OPHN1: variants seen among roughly 807,000 people sequenced by gnomAD.
The protein encoded by OPHN1 is oligophrenin 1, also known as oligophrenin-1.
A neutral mutation model predicts 60.7 loss-of-function variants in OPHN1; 11 were observed. That is an observed-to-expected ratio of 0.18 (90% CI 0.11 to 0.30). OPHN1 has a LOEUF of 0.30. Ranked by LOEUF, OPHN1 falls within the 10% of genes least tolerant of loss-of-function variation. OPHN1 has a pLI of 1.00. For synonymous variants in OPHN1, 226 were observed against 222.6 expected, an observed-to-expected ratio of 1.02 and a Z score of -0.14; for missense variants, 449 against 611.0, an observed-to-expected ratio of 0.73 and a Z score of 2.80.
Position 68,162,348 on chromosome X carries a change from T to C in OPHN1, c.1276+30571A>G, listed in dbSNP as rs190496930. ...TATTATTGATTATACCTTATATATGTTATTTAAGATCCTTCATATAAACCA... is the reference window on the plus strand; with the variant it reads ...TATTATTGATTATACCTTATATATGCTATTTAAGATCCTTCATATAAACCA... On this transcript the variant is annotated intron_variant, in intron 15 of 24. Transcript: ENST00000355520. 3.9e-4 allele frequency among the ~76,000 whole-genome samples: 43 copies of C among 110,017 alleles called. No homozygotes were observed. The East Asian group carries it at 0.01, about 27-fold the overall frequency.
In OPHN1 at chrX:68,152,528, G is replaced by A. The variant is rs945798329; in HGVS notation, c.1277-33196C>T. Among the ~76,000 whole-genome samples the A allele has an allele frequency of 5.6e-5, 6 of 106,598 alleles. No individual in the cohort carries two copies. The South Asian group carries it at 2.6e-3, about 47-fold the overall frequency. The allele number at this position is 106,598 out of a possible 115,157, so 92.6% of individuals were successfully genotyped here. Reference sequence around the variant, plus strand: ...CAAAATCACAGCCCACTGCAGCCTCGACCTCCCCAGGCTCAGGTGATCCTC... The same window carrying A: ...CAAAATCACAGCCCACTGCAGCCTCAACCTCCCCAGGCTCAGGTGATCCTC... On this transcript the variant is annotated intron_variant, in intron 15 of 24. Transcript: ENST00000355520.
chrX:68,255,979 G>A (rs1023445383), intron 5 of OPHN1, among the ~76,000 whole-genome samples: 16 of 110,664 alleles, frequency 1.4e-4, no homozygotes, highest in Admixed American at 1.4e-3. Context: ...GGACACATAC[G>A]AGGAGCTTAG....
chrX:68,341,780 T>C (rs1263239613), intron 2 of OPHN1, among the ~76,000 whole-genome samples: 3 of 109,838 alleles, frequency 2.7e-5, no homozygotes, highest in African/African-American at 9.9e-5. Flanking sequence ...ACTGCTGCAG[T>C]GAGTCATGAT....
At chrX:68,397,002 G>A (rs2078688204) in intron 2 of OPHN1, among the ~76,000 whole-genome samples, 1 of 110,335 alleles carries the variant, frequency 9.1e-6, no homozygotes, top group Non-Finnish European at 1.9e-5. Context: ...TGGGTCTTGA[G>A]GTTAATCTTC....
chrX:68,256,389 T>C (rs1422344785), intron 5 of OPHN1, among the ~76,000 whole-genome samples: 1 of 111,602 alleles, frequency 9.0e-6, no homozygotes, highest in Non-Finnish European at 1.9e-5. Context: ...CTGCGCATTG[T>C]TAGAAAATGA....
chrX:68,079,329 T>A (rs2076965919), intron 19 of OPHN1, among the ~76,000 whole-genome samples: 1 of 112,091 alleles, frequency 8.9e-6, no homozygotes, highest in Admixed American at 9.5e-5. Context: ...CATTTCTTCA[T>A]CCTCCAGTTG....
In OPHN1 at chrX:68,433,324, G is replaced by A; in HGVS notation, c.-161C>T. The A allele has an allele frequency of 3.2e-6, 1 of 315,678 alleles. No homozygotes were observed. Among genetic ancestry groups the A allele is most frequent in the African/African-American group, 2.6e-5 (1 of 38,430 alleles). 26.0% of individuals were successfully genotyped at this position (315,678 alleles called of 1,213,427 possible). On this transcript the variant is annotated 5_prime_UTR_variant, in exon 1 of 25. Transcript: ENST00000355520. ...ATGTCCCTTAGGCATCGCCTTCCCA[G>A]ATAAGCAGCAAAAACCGCAGCCCGA...
chrX:68,372,296 C>A (rs1187191713), intron 2 of OPHN1, among the ~76,000 whole-genome samples: 1 of 111,809 alleles, frequency 8.9e-6, no homozygotes, highest in Non-Finnish European at 1.9e-5. Flanking sequence ...ACTGGAACAA[C>A]TATATTTCCA....
chrX:68,215,975 T>G (rs59758924), intron 6 of OPHN1, among the ~76,000 whole-genome samples: 20,887 of 111,161 alleles, frequency 0.19, 1,671 homozygotes, highest in African/African-American at 0.31. Flanking sequence ...AAATATTTTA[T>G]TTTTCAAATT....
intron 2 of OPHN1, among the ~76,000 whole-genome samples, chrX:68,374,922 C>G (rs1279929836): frequency 8.9e-6 from 1 of 111,908 alleles, no homozygotes; most frequent in East Asian, 2.8e-4. Context: ...GTCAAGATTC[C>G]ACTTCACACC....
rs545692815 is a variant in OPHN1, at chrX:68,339,491, C to T, written c.155-40395G>A. Among the ~76,000 whole-genome samples the T allele has an allele frequency of 1.1e-4, 12 of 112,036 alleles. No homozygotes were observed. In the South Asian group the frequency reaches 4.5e-3, roughly 42 times the overall value. ...TAAAACTATTTGTATATGCAGATGA[C>T]ATGATCTTGTATACAAAACAATCTA... On this transcript the variant is annotated intron_variant, in intron 2 of 24. Coordinates refer to ENST00000355520, the MANE Select transcript of OPHN1 (RefSeq NM_002547.3).
At chrX:68,127,373 A>G (rs1569219806) in intron 15 of OPHN1, among the ~76,000 whole-genome samples, 1 of 111,953 alleles carries the variant, frequency 8.9e-6, no homozygotes, top group Admixed American at 9.5e-5. Flanking sequence ...ATAAAAGAAT[A>G]CTTCTTATTT....
At chrX:68,094,320 C>G (rs1428785432) in intron 19 of OPHN1, among the ~76,000 whole-genome samples, 1 of 111,636 alleles carries the variant, frequency 9.0e-6, no homozygotes, top group Non-Finnish European at 1.9e-5. Context: ...ACTGTCTTGA[C>G]TACTGAAGCA....
intron 2 of OPHN1, among the ~76,000 whole-genome samples, chrX:68,317,571 G>T (rs2078213614): frequency 1.3e-5 from 1 of 79,791 alleles, no homozygotes; most frequent in African/African-American, 6.7e-5. Context: ...AAGAAAGAAA[G>T]AAAGAGAAAG....
chrX:68,296,515 A>G (rs1293270054), intron 3 of OPHN1, among the ~76,000 whole-genome samples: 1 of 109,329 alleles, frequency 9.1e-6, no homozygotes, highest in African/African-American at 3.3e-5. Flanking sequence ...AAAATTAGCC[A>G]GGCATCATGG....
At chrX:68,359,159 T>A (rs1054704439) in intron 2 of OPHN1, among the ~76,000 whole-genome samples, 2 of 112,181 alleles carry the variant, frequency 1.8e-5, no homozygotes, top group Non-Finnish European at 3.8e-5. Flanking sequence ...TTATGTATGA[T>A]GAACTATTTT....
chrX:68,141,903 T>TGAAA (rs1569224287), intron 15 of OPHN1, among the ~76,000 whole-genome samples: 84 of 75,356 alleles, frequency 1.1e-3, no homozygotes, highest in African/African-American at 3.8e-3. Context: ...GTGATGTTAA[T>TGAAA]TAAAGAAAGA....
intron 19 of OPHN1, among the ~76,000 whole-genome samples, chrX:68,083,161 T>C (rs1328087870): frequency 2.2e-5 from 2 of 90,347 alleles, no homozygotes; most frequent in Non-Finnish European, 4.3e-5. Flanking sequence ...CAAGCTCCGC[T>C]TCCCGGGTTC....
chrX:68,353,432 G>GC (rs1460045068), intron 2 of OPHN1, among the ~76,000 whole-genome samples: 1 of 81,739 alleles, frequency 1.2e-5, no homozygotes, highest in East Asian at 3.7e-4. Context: ...AAAAAAAAAA[G>GC]CCATGGTGGC....
Sources: gnomAD v4.1 joint callset for allele counts (sites outside exome capture counted in the v4.1 genomes callset) on GRCh38, gnomAD v4.1.1 for gene constraint, MANE v1.5 for transcripts, NCBI Gene and HGNC (gene_info 2026-07-23, HGNC 2026-07-21) for gene names.